The following GLRB variants were observed in gnomAD, a reference collection of about 807,000 sequenced individuals.
The protein encoded by GLRB is glycine receptor subunit beta.
Under a neutral mutation model 54.2 loss-of-function variants are expected in GLRB, and 33 were observed. The observed-to-expected ratio is 0.61, with a 90% CI of 0.46 to 0.81. The LOEUF (loss-of-function observed/expected upper bound fraction) is 0.81. Among genes scored for constraint, GLRB ranks in the 40% least tolerant of loss-of-function variants. The pLI, the probability that GLRB is intolerant of heterozygous loss-of-function variation, is 0.00. For synonymous variants in GLRB, 209 were observed against 208.2 expected (o/e 1.00, Z -0.03); for missense variants, 572 against 584.6 (o/e 0.98, Z 0.22).
chr4:157,162,288 A>G (rs948881965), intron 9 of GLRB, among the ~76,000 whole-genome samples: 1 of 152,134 alleles, frequency 6.6e-6, no homozygotes, highest in African/African-American at 2.4e-5. Context: ...ATCCTCCTTT[A>G]GCTCAGAGAA....
At chr4:157,091,196 G>A (rs1459303506) in intron 2 of GLRB, among the ~76,000 whole-genome samples, 1 of 151,978 alleles carries the variant, frequency 6.6e-6, no homozygotes, top group Admixed American at 6.5e-5. Context: ...TAATAGTTTG[G>A]CGTGCAGCAC....
intron 9 of GLRB, among the ~76,000 whole-genome samples, chr4:157,158,275 G>T (rs1006894649): frequency 1.6e-4 from 25 of 152,026 alleles, no homozygotes; most frequent in Non-Finnish European, 3.4e-4. Context: ...CTCCCATTCT[G>T]TAGGTTGCCT....
Position 157,170,417 on chromosome 4 carries a change from A to T in GLRB, c.1198-15A>T, listed in dbSNP as rs2126637455. The stretch of plus-strand genomic sequence containing the variant: ...GAAAAGTTTTAAATACATTGTCTTC[A>T]ATATTTATTCTTAGGTTGGTGAGAC... On this transcript the variant is annotated splice_polypyrimidine_tract_variant and intron_variant, in intron 9 of 9. Coordinates refer to ENST00000264428, the MANE Select transcript of GLRB (RefSeq NM_000824.5). 4 of 1,495,032 alleles carry T rather than the reference A, an allele frequency of 2.7e-6. No homozygotes were observed. The highest frequency in any genetic ancestry group is 3.7e-6 in the Non-Finnish European group (4 of 1,072,458). The allele number at this position is 1,495,032 out of a possible 1,614,324, so 92.6% of individuals were successfully genotyped here. A position where few individuals can be genotyped will look rare whatever the true frequency, so the allele number is the denominator to read the frequency against.
Position 157,136,542 on chromosome 4 carries a change from G to C in GLRB, c.371G>C (p.Gly124Ala). 6.2e-7 allele frequency: 1 copy of C among 1,612,696 alleles called. No homozygotes were observed. Residue 124 changes from glycine (G) to alanine (A), a missense_variant, in exon 5 of 10, where the codon GGT becomes GCT. Coordinates refer to ENST00000264428, the MANE Select transcript of GLRB (RefSeq NM_000824.5). ...CTGAAGCTCCCCAGTGATTTTAGGG[G>C]TTCAGATGCACTGACAGTGGATCCA... ...PRLKLPSDFR[G>A]SDALTVDPTM...
chr4:157,107,554 T>C (rs1735270302), intron 2 of GLRB, among the ~76,000 whole-genome samples: 1 of 152,036 alleles, frequency 6.6e-6, no homozygotes, highest in South Asian at 2.1e-4. Flanking sequence ...AGTCTAATCC[T>C]AAGCAAGGCC....
At chr4:157,144,631 G>A (rs377184255) in intron 8 of GLRB, among the ~76,000 whole-genome samples, 144 of 152,304 alleles carry the variant, frequency 9.5e-4, no homozygotes, top group African/African-American at 3.2e-3. Flanking sequence ...ACAAATTTTG[G>A]TTGGTTGGAG....
intron 8 of GLRB, 87 bp downstream of exon 8, chr4:157,144,046 G>T: frequency 1.5e-6 from 2 of 1,341,308 alleles, no homozygotes; most frequent in Non-Finnish European, 2.1e-6. Flanking sequence ...TTGAAACAAT[G>T]AGTTTTAGAA....
intron 2 of GLRB, among the ~76,000 whole-genome samples, chr4:157,086,850 C>A (rs1162766382): frequency 2.6e-5 from 4 of 152,036 alleles, no homozygotes; most frequent in Non-Finnish European, 5.9e-5. Flanking sequence ...TCTTTTTATG[C>A]CCAAGATCTC....
chr4:157,108,479 G>A (rs1735303166), intron 2 of GLRB, among the ~76,000 whole-genome samples: 1 of 152,024 alleles, frequency 6.6e-6, no homozygotes, highest in Admixed American at 6.6e-5. Flanking sequence ...AAACTTCAGT[G>A]GAGGAATTAA....
At chr4:157,153,820 T>C (rs187092878) in intron 9 of GLRB, among the ~76,000 whole-genome samples, 1 of 152,236 alleles carries the variant, frequency 6.6e-6, no homozygotes, top group Admixed American at 6.5e-5. Context: ...ATAGGTCCAT[T>C]CCATCCTACA....
At chr4:157,089,498 G>C (rs1734532345) in intron 2 of GLRB, among the ~76,000 whole-genome samples, 1 of 152,160 alleles carries the variant, frequency 6.6e-6, no homozygotes, top group Admixed American at 6.5e-5. Context: ...GTAAGGGCTA[G>C]CTATCTTCTG....
At chr4:157,089,088 C>T (rs902712580) in intron 2 of GLRB, among the ~76,000 whole-genome samples, 2 of 152,168 alleles carry the variant, frequency 1.3e-5, no homozygotes, top group Non-Finnish European at 2.9e-5. Context: ...TGACACAATT[C>T]TACTTTTAAT....
chr4:157,113,057 C>T (rs1735478785), intron 2 of GLRB, among the ~76,000 whole-genome samples: 1 of 151,938 alleles, frequency 6.6e-6, no homozygotes, highest in African/African-American at 2.4e-5. Context: ...AGGGTTAGAA[C>T]ACTAGTCTCT....
rs771937343 is a variant in GLRB at position 157,078,061 on chromosome 4, A to G, written c.37A>G (p.Ile13Val). ...ATTGACAACTGCCTTTTTAATTTTA[A>G]TTTCCTTGTGGGTGGAAGAAGCCTA... is the stretch of plus-strand genomic sequence containing the variant. ...FLLTTAFLIL[I>V]SLWVEEAYSK... Residue 13 changes from isoleucine (I) to valine (V), a missense_variant, in exon 2 of 10, where the codon ATT becomes GTT. Ile to Val is a conservative substitution (Grantham distance 29). Transcript: ENST00000264428. 65 of 1,611,404 alleles carry G rather than the reference A, an allele frequency of 4.0e-5. No individual in the cohort carries two copies. Among genetic ancestry groups the G allele is most frequent in the Non-Finnish European group, 5.3e-5 (62 of 1,178,030 alleles).
chr4:157,095,067 A>G (rs1420643498), intron 2 of GLRB, among the ~76,000 whole-genome samples: 1 of 152,198 alleles, frequency 6.6e-6, no homozygotes, highest in South Asian at 2.1e-4. Context: ...GCTGATCTAC[A>G]TTGAGTTGGC....
chr4:157,091,352 C>T (rs1462812282), intron 2 of GLRB: 2 of 152,006 alleles, frequency 1.3e-5, no homozygotes, highest in African/African-American at 4.8e-5. Flanking sequence ...TTTCTTTCTG[C>T]TACTATATGA....
chr4:157,143,515 A>G (rs183063776), intron 7 of GLRB, among the ~76,000 whole-genome samples: 54 of 152,236 alleles, frequency 3.5e-4, no homozygotes, highest in African/African-American at 1.2e-3. Context: ...TCTATTGCCA[A>G]TTCTCTGAAC....
At chr4:157,104,460 A>C (rs1303486627) in intron 2 of GLRB, among the ~76,000 whole-genome samples, 1 of 151,142 alleles carries the variant, frequency 6.6e-6, no homozygotes. Context: ...TGAGTTTGTT[A>C]GTATTTTGTT....
At chr4:157,092,433 G>A (rs77977857) in intron 2 of GLRB, among the ~76,000 whole-genome samples, 1,572 of 152,272 alleles carry the variant, frequency 0.01, 31 homozygotes, top group African/African-American at 0.036. Context: ...ACCTATGTTT[G>A]TGATAGTAGA....
Sources: allele counts gnomAD v4.1 joint callset (sites outside exome capture counted in the v4.1 genomes callset), GRCh38; gene constraint gnomAD v4.1.1; transcripts MANE v1.5; gene names NCBI Gene and HGNC (gene_info 2026-07-23, HGNC 2026-07-21).